FUT8: variants seen among roughly 807,000 people sequenced by gnomAD.
FUT8 encodes the protein fucosyltransferase 8, also known as alpha-(1,6)-fucosyltransferase.
In FUT8, 29 loss-of-function variants were observed where a neutral mutation model predicts 71.3. The ratio of observed to expected loss-of-function variants is 0.41; its 90% CI spans 0.30 to 0.55. The LOEUF (loss-of-function observed/expected upper bound fraction) is 0.55, where lower values mean the gene tolerates loss of function less well. FUT8 is among the 20% of genes least tolerant of loss of function. The probability of loss-of-function intolerance (pLI) is 0.34; values close to 1 mark genes in which losing one functional copy is unlikely to be tolerated. For synonymous variants in FUT8, 254 were observed against 239.3 expected (o/e 1.06, Z -0.57); for missense variants, 544 against 702.1 (o/e 0.77, Z 2.55).
intron 6 of FUT8, among the ~76,000 whole-genome samples, chr14:65,658,036 T>C (rs1309898867): frequency 6.6e-6 from 1 of 152,118 alleles, no homozygotes; most frequent in Non-Finnish European, 1.5e-5. Context: ...AGAGAAGCCA[T>C]AGACTGAGAG....
At chr14:65,724,429 A>G in intron 9 of FUT8, 106 bp downstream of exon 9, 1 of 691,424 alleles carries the variant, frequency 1.4e-6, no homozygotes, top group Non-Finnish European at 2.4e-6. Context: ...ATTGCTAATT[A>G]TTAGGGTTTT....
chr14:65,677,441 A>C (rs1235126813), intron 7 of FUT8, among the ~76,000 whole-genome samples: 5 of 152,148 alleles, frequency 3.3e-5, no homozygotes, highest in Non-Finnish European at 7.3e-5. Context: ...GTCTCCTATT[A>C]TAAGTAGCCA....
At chr14:65,435,610 C>T (rs1404060799) in intron 1 of FUT8, among the ~76,000 whole-genome samples, 1 of 151,570 alleles carries the variant, frequency 6.6e-6, no homozygotes, top group Non-Finnish European at 1.5e-5. Flanking sequence ...TTTCATTTCA[C>T]TTGGGTAAAT....
intron 2 of FUT8, among the ~76,000 whole-genome samples, chr14:65,549,041 A>C (rs143418510): frequency 6.6e-6 from 1 of 152,302 alleles, no homozygotes; most frequent in Non-Finnish European, 1.5e-5. Context: ...ATACCACTAC[A>C]CAGCTACCAG....
At position 65,434,998 on chromosome 14, in the gene FUT8, C is replaced by T. The variant is rs567214172; in HGVS notation, c.-325-20623C>T. On this transcript the variant is annotated intron_variant, in intron 1 of 10. Coordinates refer to ENST00000673929, the MANE Select transcript of FUT8 (RefSeq NM_001371533.1). ...AGTTAACCTCTCCCCCTAAGTTCAT[C>T]GCCCTGGAAAACACTGATCTATTCT... Among the ~76,000 whole-genome samples the T allele has an allele frequency of 3.5e-3, 534 of 152,258 alleles. 2 individuals carry two copies. The highest frequency in any genetic ancestry group is 0.012 in the African/African-American group (506 of 41,556).
chr14:65,569,726 T>G (rs1886378426), intron 3 of FUT8, among the ~76,000 whole-genome samples: 1 of 151,956 alleles, frequency 6.6e-6, no homozygotes, highest in African/African-American at 2.4e-5. Flanking sequence ...TGATTGTTAG[T>G]CAAATTTTCT....
intron 3 of FUT8, among the ~76,000 whole-genome samples, chr14:65,564,040 T>C (rs1231219856): frequency 2.0e-5 from 3 of 152,066 alleles, no homozygotes; most frequent in Non-Finnish European, 2.9e-5. Context: ...CTCAACCTCA[T>C]TGGGCCCTTT....
intron 7 of FUT8, among the ~76,000 whole-genome samples, chr14:65,677,578 C>T (rs1026943964): frequency 2.0e-5 from 3 of 152,016 alleles, no homozygotes; most frequent in African/African-American, 7.3e-5. Flanking sequence ...ATTTTGATAT[C>T]CAACTTTACT....
intron 1 of FUT8, among the ~76,000 whole-genome samples, chr14:65,421,782 G>T (rs535924475): frequency 1.7e-5 from 2 of 118,972 alleles, no homozygotes; most frequent in African/African-American, 6.7e-5. Flanking sequence ...AGTCTTTTTC[G>T]TGATTTCCTT....
In FUT8 at chr14:65,439,954, GTATATATATATATATATA is replaced by G. The variant is rs60534547; in HGVS notation, c.-325-15647_-325-15630del. 1.3e-3 allele frequency among the ~76,000 whole-genome samples: 95 copies of G among 74,976 alleles called. 5 individuals are homozygous for G. Among genetic ancestry groups the G allele is most frequent in the Admixed American group, 2.1e-3 (13 of 6,126 alleles). 49.2% of individuals were successfully genotyped at this position (74,976 alleles called of 152,430 possible). ...ATAAAGAAAATGTGTGTGTGTGTGT[GTATATATATATATATATA>G]TATATATATATATATATATGTACAC... On this transcript the variant is annotated intron_variant, in intron 1 of 10. Transcript: ENST00000673929.
At chr14:65,380,321 T>TC in the FUT8 span, among the ~76,000 whole-genome samples, 2 of 151,614 alleles carry the variant, frequency 1.3e-5, no homozygotes, top group African/African-American at 2.4e-5. Flanking sequence ...TTCAATTACC[T>TC]CCCCCCGGGT....
chr14:65,729,694 T>C (rs1895875662), intron 9 of FUT8, among the ~76,000 whole-genome samples: 2 of 152,164 alleles, frequency 1.3e-5, no homozygotes, highest in Admixed American at 1.3e-4. Context: ...ATAAACATTT[T>C]ACAGCTTTGA....
chr14:65,582,666 T>G (rs1887156164), intron 3 of FUT8, among the ~76,000 whole-genome samples: 1 of 152,228 alleles, frequency 6.6e-6, no homozygotes, highest in Admixed American at 6.5e-5. Context: ...CATTGTACTC[T>G]CCACAGTTTG....
At chr14:65,499,806 AG>A in intron 2 of FUT8, among the ~76,000 whole-genome samples, 1 of 146,620 alleles carries the variant, frequency 6.8e-6, no homozygotes. Flanking sequence ...CAACACAGCA[AG>A]ACCCTGTCTC....
At chr14:65,477,040 A>G (rs2139665439) in intron 2 of FUT8, among the ~76,000 whole-genome samples, 1 of 152,284 alleles carries the variant, frequency 6.6e-6, no homozygotes. Flanking sequence ...ACTTAAATAT[A>G]AGCTTTTTTG....
At chr14:65,663,015 A>G (rs1459841490) in intron 6 of FUT8, among the ~76,000 whole-genome samples, 2 of 152,128 alleles carry the variant, frequency 1.3e-5, no homozygotes, top group African/African-American at 4.8e-5. Flanking sequence ...ATATATAAAA[A>G]TCTCATATTA....
intron 2 of FUT8, among the ~76,000 whole-genome samples, chr14:65,532,717 T>G (rs1252806799): frequency 6.6e-6 from 1 of 152,200 alleles, no homozygotes; most frequent in Admixed American, 6.5e-5. Context: ...CTTTCCCAGG[T>G]CCTATGTTCA....
intron 6 of FUT8, among the ~76,000 whole-genome samples, chr14:65,634,561 TA>T (rs35052434): frequency 0.17 from 20,642 of 123,940 alleles, 2,152 homozygotes; most frequent in East Asian, 0.38. Flanking sequence ...AATGATCAAT[TA>T]AAAAAAAAAA....
chr14:65,628,559 T>A (rs1488030614), intron 5 of FUT8, among the ~76,000 whole-genome samples: 1 of 152,172 alleles, frequency 6.6e-6, no homozygotes, highest in Non-Finnish European at 1.5e-5. Context: ...GCTGACAGAT[T>A]TGTAGGGGAT....
Sources: gnomAD v4.1 joint callset for allele counts (sites outside exome capture counted in the v4.1 genomes callset) on GRCh38, gnomAD v4.1.1 for gene constraint, MANE v1.5 for transcripts, NCBI Gene and HGNC (gene_info 2026-07-23, HGNC 2026-07-21) for gene names.